The following ZNF184 variants were observed in gnomAD, a reference collection of about 807,000 sequenced individuals.
ZNF184 encodes zinc finger protein 184 (Kruppel-like).
Under a neutral mutation model 54.4 loss-of-function variants are expected in ZNF184, and 16 were observed. The observed-to-expected ratio is 0.29, with a 90% CI of 0.20 to 0.45. ZNF184 has a LOEUF of 0.45. ZNF184 is among the 20% of genes least tolerant of loss of function. The pLI is 1.00. For synonymous variants in ZNF184, 254 were observed against 295.3 expected, an observed-to-expected ratio of 0.86 and a Z score of 1.43; for missense variants, 681 against 888.2, an observed-to-expected ratio of 0.77 and a Z score of 2.97.
At chr6:27,445,343 A>G in the ZNF184 span, among the ~76,000 whole-genome samples, 3 of 152,326 alleles carry the variant, frequency 2.0e-5, no homozygotes, top group African/African-American at 7.2e-5. Context: ...AATGCTAGAC[A>G]CAAATGTATA....
the ZNF184 span, among the ~76,000 whole-genome samples, chr6:27,419,948 C>A: frequency 6.6e-6 from 1 of 152,240 alleles, no homozygotes; most frequent in East Asian, 1.9e-4. This position sits in a 1 kb window ranked among gnomAD's most constrained non-coding sequence, Gnocchi z 4.8. Context: ...GGCTCCACAT[C>A]TCACTTGGCT....
the ZNF184 span, among the ~76,000 whole-genome samples, chr6:27,412,666 T>C: frequency 6.6e-6 from 1 of 152,200 alleles, no homozygotes; most frequent in East Asian, 1.9e-4. Context: ...CCTAAGAACA[T>C]GTGCCCATAG....
the ZNF184 span, among the ~76,000 whole-genome samples, chr6:27,422,237 A>T: frequency 1.4e-5 from 2 of 146,998 alleles, 1 homozygote; most frequent in Non-Finnish European, 3.0e-5. Flanking sequence ...AAATTCAGAG[A>T]CCACACTGGC....
At chr6:27,410,543 CTTTTT>C in the ZNF184 span, among the ~76,000 whole-genome samples, 51 of 152,080 alleles carry the variant, frequency 3.4e-4, no homozygotes, top group East Asian at 9.7e-3. Flanking sequence ...ATGGGAGGTT[CTTTTT>C]TTAGACAGAG....
chr6:27,465,016 C>CAAA (rs61602778), intron 3 of ZNF184, among the ~76,000 whole-genome samples: 2,890 of 48,734 alleles, frequency 0.059, 422 homozygotes, highest in Middle Eastern at 0.074. Context: ...GACTCTGTCT[C>CAAA]AAAAAAAAAA....
the ZNF184 span, among the ~76,000 whole-genome samples, chr6:27,435,064 T>C: frequency 6.6e-6 from 1 of 152,222 alleles, no homozygotes; most frequent in Admixed American, 6.5e-5. Flanking sequence ...TACTGTAAAT[T>C]TGTAGTAAGT....
chr6:27,431,707 T>C, the ZNF184 span, among the ~76,000 whole-genome samples: 10 of 152,288 alleles, frequency 6.6e-5, no homozygotes, highest in African/African-American at 2.4e-4. Context: ...GCTTTCATAG[T>C]AGAGCCAGAA....
At position 27,457,402 on chromosome 6, in the gene ZNF184, A is replaced by G; in HGVS notation, c.83T>C (p.Val28Ala). Residue 28 changes from valine (V) to alanine (A), a missense_variant, in exon 4 of 6, where the codon GTG (valine) becomes GCG (alanine). Coordinates refer to ENST00000683788, the MANE Select transcript of ZNF184 (RefSeq NM_001318891.2). ...GTCCACTATCACATCCTTGAAAGTCACCGCTTCCTGAAATACCAAACATAT... is the reference window on the plus strand; with the variant it reads ...GTCCACTATCACATCCTTGAAAGTCGCCGCTTCCTGAAATACCAAACATAT... ...LLSSASFQEA[V>A]TFKDVIVDFT... 1 of 1,613,740 alleles carries G rather than the reference A, an allele frequency of 6.2e-7. No homozygotes were observed. The highest frequency in any genetic ancestry group is 8.5e-7 in the Non-Finnish European group (1 of 1,179,838).
chr6:27,467,926 GGGA>G lies in ZNF184; in HGVS notation c.8-9_8-7del. The stretch of plus-strand genomic sequence containing the variant: ...GGAGTCTGGAGAGGACAGATCTAGG[GGGA>G]GAAGCAGGAGCCATATGACTTCTGT... On this transcript the variant is annotated splice_region_variant and splice_polypyrimidine_tract_variant and intron_variant, in intron 2 of 5. Transcript: ENST00000683788. 2 of 1,596,506 alleles carry G rather than the reference GGGA, an allele frequency of 1.3e-6. No homozygotes were observed. The highest frequency in any genetic ancestry group is 1.7e-6 in the Non-Finnish European group (2 of 1,171,304).
intron 3 of ZNF184, among the ~76,000 whole-genome samples, chr6:27,465,221 A>T (rs1270956776): frequency 6.6e-6 from 1 of 151,122 alleles, no homozygotes; most frequent in Non-Finnish European, 1.5e-5. Context: ...GCGGTGGCTC[A>T]TGCCTGTAAT....
In ZNF184 at chr6:27,453,102, G is replaced by C. The variant is rs927111203; in HGVS notation, c.457C>G (p.Gln153Glu). ...SWEYEGSLER[Q>E]QANQQTLPKE... ...GGCAGTGTCTGTTGGTTTGCCTGCT[G>C]TCTCTCTAAACTGCCTTCATATTCC... is the stretch of plus-strand genomic sequence containing the variant. Residue 153 changes from glutamine (Q) to glutamate (E), a missense_variant, in exon 6 of 6, where the codon CAG becomes GAG. Physicochemically the swap from Gln to Glu is conservative, Grantham distance 29 (BLOSUM62 2). Transcript: ENST00000683788. This position sits in a 1 kb window ranked among gnomAD's most constrained non-coding sequence, Gnocchi z 4.7. 1 of 1,614,028 alleles carries C rather than the reference G, an allele frequency of 6.2e-7. No homozygotes were observed. The highest frequency in any genetic ancestry group is 1.3e-5 in the African/African-American group (1 of 75,010).
the ZNF184 span, among the ~76,000 whole-genome samples, chr6:27,409,534 G>A: frequency 0.037 from 5,196 of 141,492 alleles, 205 homozygotes; most frequent in African/African-American, 0.097. Context: ...CAAAACAAAC[G>A]AACAAACAAA....
At chr6:27,432,427 T>G in the ZNF184 span, among the ~76,000 whole-genome samples, 1 of 152,142 alleles carries the variant, frequency 6.6e-6, no homozygotes, top group Non-Finnish European at 1.5e-5. This position sits in a 1 kb window ranked among gnomAD's most constrained non-coding sequence, Gnocchi z 4.0. Context: ...TAATAAAGAC[T>G]AAGGAAAATT....
At chr6:27,407,604 C>T in the ZNF184 span, 3 of 544,042 alleles carry the variant, frequency 5.5e-6, no homozygotes. Context: ...TATGAACTTA[C>T]ACAAACAGGT....
At chr6:27,465,356 G>T (rs1250102719) in intron 3 of ZNF184, among the ~76,000 whole-genome samples, 1 of 150,564 alleles carries the variant, frequency 6.6e-6, no homozygotes, top group Non-Finnish European at 1.5e-5. Context: ...ATGGTGGCAG[G>T]TGCCTGTAGT....
At chr6:27,450,679 AG>A (rs1358974455), downstream of ZNF184, 1 of 151,976 alleles carries the variant, frequency 6.6e-6, no homozygotes, top group Non-Finnish European at 1.5e-5. Flanking sequence ...AAATAACACC[AG>A]TTTAAGTTGT....
the ZNF184 span, among the ~76,000 whole-genome samples, chr6:27,442,818 G>GA: frequency 1.4e-4 from 2 of 13,930 alleles, no homozygotes; most frequent in African/African-American, 3.6e-4. Context: ...GAAAGAGAAA[G>GA]AAAGAAAGAA....
chr6:27,447,001 T>C (rs565062493), downstream of ZNF184, among the ~76,000 whole-genome samples: 73 of 144,040 alleles, frequency 5.1e-4, no homozygotes, highest in African/African-American at 1.8e-3. Flanking sequence ...AAAAATTAGC[T>C]GGGCGCGGTG....
downstream of ZNF184, among the ~76,000 whole-genome samples, chr6:27,450,500 C>T (rs781198076): frequency 8.6e-5 from 13 of 152,004 alleles, no homozygotes; most frequent in Non-Finnish European, 1.6e-4. Context: ...TGTCTGCAAA[C>T]GGAAATGGGC....
Sources: allele counts gnomAD v4.1 joint callset (sites outside exome capture counted in the v4.1 genomes callset), GRCh38; gene constraint gnomAD v4.1.1; non-coding constraint Gnocchi (gnomAD v3.1); transcripts MANE v1.5; gene names NCBI Gene and HGNC (gene_info 2026-07-23, HGNC 2026-07-21).